PCLO: variants seen among roughly 807,000 people sequenced by gnomAD.
PCLO encodes the protein protein piccolo.
In PCLO, 82 loss-of-function variants were observed where a neutral mutation model predicts 427.5. That is an observed-to-expected ratio of 0.19 (90% CI 0.16 to 0.23). The LOEUF (loss-of-function observed/expected upper bound fraction) is 0.23. Ranked by LOEUF, PCLO falls within the 10% of genes least tolerant of loss-of-function variation. The pLI is 1.00. For missense variants in PCLO, 6,239 were observed against 6,115.9 expected, an observed-to-expected ratio of 1.02 and a Z score of -0.67; for synonymous variants, 2,357 against 2,155.4, an observed-to-expected ratio of 1.09 and a Z score of -2.59.
chr7:83,017,997 T>G (rs991130371), intron 3 of PCLO: 2 of 152,058 alleles, frequency 1.3e-5, no homozygotes, highest in African/African-American at 4.8e-5. Flanking sequence ...CTAGGACTGC[T>G]GGGTGCTGTA....
chr7:82,880,905 G>A (rs1239575304), intron 9 of PCLO, among the ~76,000 whole-genome samples: 1 of 152,056 alleles, frequency 6.6e-6, no homozygotes, highest in Admixed American at 6.6e-5. Flanking sequence ...GTAACAAATG[G>A]GTTACAAACA....
At chr7:82,997,481 A>G (rs1321753998) in intron 3 of PCLO, among the ~76,000 whole-genome samples, 1 of 152,036 alleles carries the variant, frequency 6.6e-6, no homozygotes, top group Non-Finnish European at 1.5e-5. Flanking sequence ...ATCTTAAATA[A>G]GTTTTTCAAC....
rs192620386 is a variant in PCLO, at chr7:83,040,082, A to G, written c.3301-73595T>C. Among the ~76,000 whole-genome samples the G allele has an allele frequency of 2.1e-4, 32 of 152,162 alleles. No homozygotes were observed. In the East Asian group the frequency reaches 5.8e-3, roughly 28 times the overall value. ...TAATGGGATTTCTTAGGATTTTTCT[A>G]TATATAAGATCATATTTGCTGAGAA... is the stretch of plus-strand genomic sequence containing the variant. On this transcript the variant is annotated intron_variant, in intron 3 of 24. Coordinates refer to ENST00000333891, the MANE Select transcript of PCLO (RefSeq NM_033026.6).
At chr7:82,962,083 T>G (rs74852475) in intron 4 of PCLO, among the ~76,000 whole-genome samples, 2,000 of 152,304 alleles carry the variant, frequency 0.013, 18 homozygotes, top group Middle Eastern at 0.061. Flanking sequence ...AAAAAATGCT[T>G]GACATTATCA....
Position 82,955,591 on chromosome 7 carries a change from C to G in PCLO, c.5362G>C (p.Glu1788Gln), listed in dbSNP as rs555072304. 5.6e-6 allele frequency: 9 copies of G among 1,613,798 alleles called. No homozygotes were observed. Among genetic ancestry groups the G allele is most frequent in the Non-Finnish European group, 7.6e-6 (9 of 1,179,876 alleles). Reference protein sequence around the residue: ...ELREEEELLKEQEKQREIEQQ... With the variant: ...ELREEEELLKQQEKQREIEQQ... ...TCTATTTCCCTCTGCTTTTCTTGCT[C>G]CTTTAATAATTCTTCTTCCTCTCTC... is the stretch of plus-strand genomic sequence containing the variant. Residue 1788 changes from glutamate to glutamine, a missense_variant, in exon 5 of 25, where the codon GAG becomes CAG. Glu to Gln is a conservative substitution (Grantham distance 29, BLOSUM62 2). Coordinates refer to ENST00000333891, the MANE Select transcript of PCLO (RefSeq NM_033026.6).
At position 82,758,394 on chromosome 7, in the gene PCLO, C is replaced by A; in HGVS notation, c.*181G>T. On this transcript the variant is annotated 3_prime_UTR_variant, in exon 25 of 25. Transcript: ENST00000333891. ...CTTGTTTTCAGTATGTGAACTTTTT[C>A]AGTTGAATATCTTTGTGTGATCCAC... The A allele has an allele frequency of 2.1e-6, 1 of 486,934 alleles. No homozygotes were observed. The highest frequency in any genetic ancestry group is 3.6e-6 in the Non-Finnish European group (1 of 276,642). The allele number at this position is 486,934 out of a possible 1,614,324, so 30.2% of individuals were successfully genotyped here. A position where few individuals can be genotyped will look rare whatever the true frequency, so the allele number is the denominator to read the frequency against.
chr7:82,977,377 C>A (rs1796041271), intron 3 of PCLO, among the ~76,000 whole-genome samples: 3 of 136,800 alleles, frequency 2.2e-5, no homozygotes, highest in African/African-American at 8.0e-5. Flanking sequence ...CAAAATTCAT[C>A]TTTTTTATTT....
At chr7:82,779,690 T>C (rs1209817186) in intron 22 of PCLO, among the ~76,000 whole-genome samples, 1 of 151,838 alleles carries the variant, frequency 6.6e-6, no homozygotes, top group Non-Finnish European at 1.5e-5. Context: ...AATATTGGTT[T>C]AGGAACTGGG....
At chr7:83,107,975 G>A (rs1158759657) in intron 3 of PCLO, among the ~76,000 whole-genome samples, 21 of 122,184 alleles carry the variant, frequency 1.7e-4, no homozygotes, top group South Asian at 3.0e-4. Flanking sequence ...GTGACAGAGT[G>A]AGACTCCGTC....
chr7:83,029,104 A>T (rs1348236167), intron 3 of PCLO, among the ~76,000 whole-genome samples: 1 of 151,754 alleles, frequency 6.6e-6, no homozygotes, highest in Non-Finnish European at 1.5e-5. Context: ...AAAAATTGAC[A>T]AATGGGATAT....
chr7:83,034,484 G>A (rs1788746305), intron 3 of PCLO, among the ~76,000 whole-genome samples: 1 of 152,110 alleles, frequency 6.6e-6, no homozygotes, highest in Non-Finnish European at 1.5e-5. Context: ...CATCACGCCT[G>A]GTCCCATGCT....
At chr7:82,760,548 A>C in intron 24 of PCLO, 91 bp downstream of exon 24, 1 of 761,200 alleles carries the variant, frequency 1.3e-6, no homozygotes, top group Non-Finnish European at 2.0e-6. Flanking sequence ...CATATAGTGT[A>C]TGATCAGTAT....
intron 3 of PCLO, among the ~76,000 whole-genome samples, chr7:83,126,272 C>A (rs562888930): frequency 6.6e-6 from 1 of 151,970 alleles, no homozygotes; most frequent in East Asian, 1.9e-4. Flanking sequence ...TTAATGAGTA[C>A]AAAAATACAG....
At chr7:82,944,137 T>TAAAAAAAAAAA (rs71096608) in intron 6 of PCLO, among the ~76,000 whole-genome samples, 1 of 33,914 alleles carries the variant, frequency 2.9e-5, no homozygotes, top group Non-Finnish European at 5.1e-5. Context: ...CAAGAATCCA[T>TAAAAAAAAAAA]AAAAAAAAAA....
intron 6 of PCLO, among the ~76,000 whole-genome samples, chr7:82,930,416 A>C (rs1264592901): frequency 3.3e-5 from 5 of 152,152 alleles, no homozygotes; most frequent in Non-Finnish European, 7.4e-5. Flanking sequence ...GAAGATTTGA[A>C]GTTCAGAAAT....
intron 10 of PCLO, among the ~76,000 whole-genome samples, chr7:82,871,980 T>G (rs555177077): frequency 3.0e-4 from 46 of 152,088 alleles, no homozygotes; most frequent in Admixed American, 2.4e-3. Flanking sequence ...TTCTTTGAGC[T>G]TAAGAACATT....
intron 22 of PCLO, among the ~76,000 whole-genome samples, chr7:82,765,294 A>G (rs1221814782): frequency 6.6e-6 from 1 of 151,890 alleles, no homozygotes; most frequent in East Asian, 1.9e-4. Flanking sequence ...TCTGCTATCA[A>G]TAAAAAAATA....
intron 6 of PCLO, among the ~76,000 whole-genome samples, chr7:82,928,100 T>C (rs987851440): frequency 1.3e-5 from 2 of 152,200 alleles, no homozygotes; most frequent in African/African-American, 2.4e-5. Flanking sequence ...AAAGCCATGC[T>C]AACCAATTTA....
Position 83,156,198 on chromosome 7 carries a change from T to A in PCLO, c.443A>T (p.His148Leu). ...SKSRTDLKEE[H>L]KSSMMPGFLS... ...GAAGCCAGGCATCATACTAGACTTG[T>A]GCTCTTCCTTTAAATCAGTTCTGGA... Residue 148 changes from histidine (H) to leucine (L), a missense_variant, in exon 2 of 25, where the codon CAC (histidine) becomes CTC (leucine). His to Leu is a moderately conservative substitution (Grantham distance 99). Coordinates refer to ENST00000333891, the MANE Select transcript of PCLO (RefSeq NM_033026.6). The A allele has an allele frequency of 6.2e-7, 1 of 1,613,864 alleles. No individual in the cohort carries two copies. Among genetic ancestry groups the A allele is most frequent in the Non-Finnish European group, 8.5e-7 (1 of 1,179,784 alleles).
Sources: allele counts gnomAD v4.1 joint callset (sites outside exome capture counted in the v4.1 genomes callset), GRCh38; gene constraint gnomAD v4.1.1; transcripts MANE v1.5; gene names NCBI Gene and HGNC (gene_info 2026-07-23, HGNC 2026-07-21).